Variants in OLFM2 observed in about 807,000 individuals in gnomAD.
OLFM2 encodes the protein noelin-2.
OLFM2 carries 20 observed loss-of-function variants against 43.9 expected under a neutral mutation model. The observed-to-expected ratio is 0.46, with a 90% confidence interval of 0.32 to 0.66. The LOEUF (loss-of-function observed/expected upper bound fraction) is 0.66. Among genes scored for constraint, OLFM2 ranks in the 30% least tolerant of loss-of-function variants. The probability of loss-of-function intolerance (pLI) is 0.04; values close to 1 mark genes in which losing one functional copy is unlikely to be tolerated. For missense variants in OLFM2, 416 were observed against 643.6 expected (o/e 0.65, Z 3.83); for synonymous variants, 268 against 278.6 (o/e 0.96, Z 0.38).
intron 1 of OLFM2, among the ~76,000 whole-genome samples, chr19:9,922,283 C>T (rs950325513): frequency 1.5e-4 from 23 of 152,040 alleles, no homozygotes; most frequent in African/African-American, 4.8e-5. Flanking sequence ...TACACACACA[C>T]ACACACACAC....
chr19:9,936,202 G>A (rs2086513790), intron 1 of OLFM2, 102 bp downstream of exon 1: 2 of 1,299,698 alleles, frequency 1.5e-6, no homozygotes, highest in South Asian at 1.3e-5. Context: ...CTGCAGCTGG[G>A]GGGGCTTGTG....
At chr19:9,925,028 T>A (rs1599503500) in intron 1 of OLFM2, among the ~76,000 whole-genome samples, 1 of 152,092 alleles carries the variant, frequency 6.6e-6, no homozygotes, top group Admixed American at 6.6e-5. Context: ...TTTGGGAGGC[T>A]GAGGCAGGCA....
intron 1 of OLFM2, among the ~76,000 whole-genome samples, chr19:9,933,199 C>T (rs1293449672): frequency 1.3e-5 from 2 of 152,184 alleles, no homozygotes; most frequent in South Asian, 2.1e-4. Flanking sequence ...GACACCTTCC[C>T]TGACCACACT....
intron 1 of OLFM2, among the ~76,000 whole-genome samples, chr19:9,936,037 G>A (rs1371536602): frequency 1.3e-5 from 2 of 151,840 alleles, no homozygotes; most frequent in Non-Finnish European, 2.9e-5. Flanking sequence ...GGCGGGGTGG[G>A]GGCTCGGGGC....
At chr19:9,903,431 G>A (rs2046757530) in intron 1 of OLFM2, among the ~76,000 whole-genome samples, 1 of 152,138 alleles carries the variant, frequency 6.6e-6, no homozygotes, top group African/African-American at 2.4e-5. Context: ...CCACACACTT[G>A]CATCCATTCA....
intron 1 of OLFM2, among the ~76,000 whole-genome samples, chr19:9,880,962 A>G (rs1030213650): frequency 4.6e-5 from 7 of 152,148 alleles, no homozygotes; most frequent in African/African-American, 1.7e-4. Context: ...CAGTGACGCA[A>G]TGTAGGCTCA....
At chr19:9,886,720 G>C (rs940828466) in intron 1 of OLFM2, among the ~76,000 whole-genome samples, 1 of 141,922 alleles carries the variant, frequency 7.0e-6, no homozygotes, top group South Asian at 2.3e-4. Flanking sequence ...CATTCATCTC[G>C]TTTCTTTTTC....
chr19:9,901,135 GGAAA>G (rs1340614839), intron 1 of OLFM2, among the ~76,000 whole-genome samples: 5 of 139,352 alleles, frequency 3.6e-5, no homozygotes, highest in Non-Finnish European at 6.1e-5. Flanking sequence ...GAAAAAGGAA[GGAAA>G]GAAAGAAGGA....
At position 9,857,108 on chromosome 19, in the gene OLFM2, C is replaced by T; in HGVS notation, c.580+155G>A. The T allele has an allele frequency of 1.2e-6, 1 of 853,426 alleles. No individual in the cohort carries two copies. Among genetic ancestry groups the T allele is most frequent in the Non-Finnish European group, 1.9e-6 (1 of 529,816 alleles). The allele number at this position is 853,426 out of a possible 1,614,324, so 52.9% of individuals were successfully genotyped here. A position where few individuals can be genotyped will look rare whatever the true frequency, so the allele number is the denominator to read the frequency against. Reference sequence around the variant, plus strand: ...CAAGGGTCAGGGCCATTTCCAGCTTCTGGACTCAAGTGTAGCCTTAGGTAG... The same window carrying T: ...CAAGGGTCAGGGCCATTTCCAGCTTTTGGACTCAAGTGTAGCCTTAGGTAG... On this transcript the variant is annotated intron_variant, in intron 4 of 5. Transcript: ENST00000264833. This position sits in a 1 kb window ranked among gnomAD's most constrained non-coding sequence, Gnocchi z 5.7.
intron 1 of OLFM2, among the ~76,000 whole-genome samples, chr19:9,900,999 G>GA (rs1568380565): frequency 1.8e-4 from 9 of 50,294 alleles, no homozygotes; most frequent in African/African-American, 7.9e-4. Flanking sequence ...AGGGAGGGAG[G>GA]GGGGAGGGAG....
chr19:9,868,069 AT>A (rs59081480), intron 1 of OLFM2, among the ~76,000 whole-genome samples: 10 of 147,192 alleles, frequency 6.8e-5, no homozygotes, highest in South Asian at 2.1e-4. Context: ...AACCAGGCTA[AT>A]TTTTTTTTTT....
chr19:9,883,193 G>C (rs1209420939), intron 1 of OLFM2, among the ~76,000 whole-genome samples: 2 of 125,470 alleles, frequency 1.6e-5, no homozygotes, highest in African/African-American at 6.0e-5. Flanking sequence ...TGGGTGACAA[G>C]AGCGAGACTC....
At chr19:9,922,017 C>T (rs1340163945) in intron 1 of OLFM2, among the ~76,000 whole-genome samples, 1 of 151,532 alleles carries the variant, frequency 6.6e-6, no homozygotes, top group Non-Finnish European at 1.5e-5. Context: ...TCGCTTGAGC[C>T]CGGGAGATCG....
At chr19:9,933,816 C>G (rs2086499146) in intron 1 of OLFM2, among the ~76,000 whole-genome samples, 1 of 152,176 alleles carries the variant, frequency 6.6e-6, no homozygotes, top group African/African-American at 2.4e-5. Context: ...CTCAACTTCC[C>G]AAAATGCTGG....
In OLFM2 at chr19:9,859,797, C is replaced by T. The variant is rs1184336068; in HGVS notation, c.213+848G>A. Among the ~76,000 whole-genome samples the T allele has an allele frequency of 5.9e-5, 9 of 152,296 alleles. No homozygotes were observed. In the East Asian group the frequency reaches 1.5e-3, roughly 26 times the overall value. The stretch of plus-strand genomic sequence containing the variant: ...CTCAGATGCTGCCCCTCCAGTCTTC[C>T]TTCCTTCCCCCCACCCCAATCCCAG... On this transcript the variant is annotated intron_variant, in intron 2 of 5. Coordinates refer to ENST00000264833, the MANE Select transcript of OLFM2 (RefSeq NM_058164.4).
At chr19:9,873,246 C>T (rs2046457961) in intron 1 of OLFM2, among the ~76,000 whole-genome samples, 1 of 152,112 alleles carries the variant, frequency 6.6e-6, no homozygotes, top group Non-Finnish European at 1.5e-5. Flanking sequence ...CTCCACCTCC[C>T]AGGCTCAAGC....
At chr19:9,936,281 G>A in intron 1 of OLFM2, 23 bp downstream of exon 1, 1 of 1,526,706 alleles carries the variant, frequency 6.6e-7, no homozygotes, top group Non-Finnish European at 8.7e-7. Context: ...ACCCGCGCCC[G>A]CACCTGCCCG....
At chr19:9,882,576 A>C (rs927404338) in intron 1 of OLFM2, among the ~76,000 whole-genome samples, 2 of 151,288 alleles carry the variant, frequency 1.3e-5, no homozygotes, top group East Asian at 3.9e-4. Context: ...TGGGGGGTGG[A>C]AACACACAAT....
intron 1 of OLFM2, among the ~76,000 whole-genome samples, chr19:9,916,406 C>T (rs1056243566): frequency 5.3e-5 from 8 of 152,166 alleles, no homozygotes; most frequent in African/African-American, 1.9e-4. Context: ...AAAGCTTTCA[C>T]TGATGAGTGC....
Sources: gnomAD v4.1 joint callset for allele counts (sites outside exome capture counted in the v4.1 genomes callset) on GRCh38, gnomAD v4.1.1 for gene constraint, Gnocchi (gnomAD v3.1) non-coding constraint, MANE v1.5 for transcripts, NCBI Gene and HGNC (gene_info 2026-07-23, HGNC 2026-07-21) for gene names.